The following MRC1 variants were observed in gnomAD, a reference collection of about 807,000 sequenced individuals.
The protein encoded by MRC1 is mannose receptor C-type 1.
Under a neutral mutation model 102.9 loss-of-function variants are expected in MRC1, and 62 were observed. That is an observed-to-expected ratio of 0.60 (90% CI 0.49 to 0.74). MRC1 has a LOEUF of 0.74. Ranked by LOEUF, MRC1 falls within the 30% of genes least tolerant of loss-of-function variation. The probability of loss-of-function intolerance (pLI) is 0.00; values close to 1 mark genes in which losing one functional copy is unlikely to be tolerated. For synonymous variants in MRC1, 457 were observed against 298.4 expected (o/e 1.53, Z -5.48); for missense variants, 1,237 against 862.8 (o/e 1.43, Z -5.43).
intron 22 of MRC1, among the ~76,000 whole-genome samples, chr10:17,887,112 A>T (rs1833608376): frequency 6.6e-6 from 1 of 152,174 alleles, no homozygotes; most frequent in Non-Finnish European, 1.5e-5. Context: ...TGAAGTAGCC[A>T]TTCTTTTCTT....
intron 1 of MRC1, among the ~76,000 whole-genome samples, chr10:17,816,953 T>A (rs2130578529): frequency 6.6e-6 from 1 of 151,978 alleles, no homozygotes; most frequent in African/African-American, 2.4e-5. Flanking sequence ...TAAAAATGCT[T>A]AAAAAAAATC....
intron 3 of MRC1, among the ~76,000 whole-genome samples, chr10:17,829,462 A>G (rs895674583): frequency 2.0e-5 from 3 of 151,502 alleles, no homozygotes; most frequent in Non-Finnish European, 2.9e-5. Flanking sequence ...CTTTCTGTTC[A>G]TAGCGACACT....
chr10:17,830,884 CTATA>C (rs1252658364), intron 3 of MRC1, among the ~76,000 whole-genome samples: 10 of 147,786 alleles, frequency 6.8e-5, no homozygotes, highest in Non-Finnish European at 1.0e-4. Flanking sequence ...ACATTTTCTA[CTATA>C]TATATATATA....
Position 17,879,718 on chromosome 10 carries a change from CAGTTGGATGGATGGA to C in MRC1, c.2619_2633del (p.Trp874_Ser878del). Reference sequence around the variant, plus strand: ...TTCAAAATGCCTGAATTTTCTTTTCCAGTTGGATGGATGGAAGCAAAGTGGATTACGTGTCTTGGG... The same window carrying C: ...TTCAAAATGCCTGAATTTTCTTTTCCAGCAAAGTGGATTACGTGTCTTGGG... On this transcript the variant is annotated splice_acceptor_variant and coding_sequence_variant, in exon 19 of 30. Transcript: ENST00000569591. LOFTEE classifies it high-confidence loss of function. 1 of 780,784 alleles carries C rather than the reference CAGTTGGATGGATGGA, an allele frequency of 1.3e-6. No homozygotes were observed. The allele number at this position is 780,784 out of a possible 1,614,324, so 48.4% of individuals were successfully genotyped here.
In MRC1 at chr10:17,823,310, TG is replaced by T; in HGVS notation, c.301del (p.Glu101SerfsTer60). ...ACDSKSEFQK[W>X]ECKNDTLLGI... The stretch of plus-strand genomic sequence containing the variant: ...TGACTCAAAAAGTGAATTTCAGAAA[TG>T]GGAGTGCAAAAATGACACACTTTTG... On this transcript the variant is annotated frameshift_variant, in exon 2 of 30. Coordinates refer to ENST00000569591, the MANE Select transcript of MRC1 (RefSeq NM_002438.4). LOFTEE classifies it high-confidence loss of function. 1 of 780,852 alleles carries T rather than the reference TG, an allele frequency of 1.3e-6. No homozygotes were observed. The highest frequency in any genetic ancestry group is 2.4e-6 in the Non-Finnish European group (1 of 417,956). 48.4% of individuals were successfully genotyped at this position (780,852 alleles called of 1,614,324 possible).
At chr10:17,839,524 G>T (rs1838718908) in intron 4 of MRC1, among the ~76,000 whole-genome samples, 2 of 151,750 alleles carry the variant, frequency 1.3e-5, no homozygotes, top group African/African-American at 2.4e-5. Context: ...TTTTTTGAAG[G>T]TTGTTGAGTA....
intron 17 of MRC1, among the ~76,000 whole-genome samples, chr10:17,876,036 A>C (rs1015664548): frequency 6.6e-6 from 1 of 152,116 alleles, no homozygotes; most frequent in African/African-American, 2.4e-5. Flanking sequence ...GCATTTTTTC[A>C]TAGAACATCA....
At chr10:17,823,505 T>G (rs1838428684) in intron 2 of MRC1, 30 bp downstream of exon 2, 1 of 780,300 alleles carries the variant, frequency 1.3e-6, no homozygotes, top group African/African-American at 1.7e-5. Flanking sequence ...CACCTTCGTG[T>G]TGAAATTTTC....
rs1182864449 is a variant in MRC1 at position 17,907,576 on chromosome 10, A to C, written c.3956A>C (p.Asn1319Thr). ...WINNSPVSFV[N>T]WNTGDPSGER... is the part of the protein sequence containing the mutation. ...AATAACAGTCCGGTCTCCTTTGTCA[A>C]CTGGAACACAGGAGATCCCTCTGGT... is the stretch of plus-strand genomic sequence containing the variant. Residue 1319 changes from asparagine (N) to threonine (T), a missense_variant, in exon 28 of 30, where the codon AAC becomes ACC. Transcript: ENST00000569591. 1.3e-6 allele frequency: 1 copy of C among 780,900 alleles called. No individual in the cohort carries two copies. The highest frequency in any genetic ancestry group is 1.7e-5 in the Admixed American group (1 of 59,036). 48.4% of individuals were successfully genotyped at this position (780,900 alleles called of 1,614,324 possible).
rs922036727 is a variant in MRC1 at position 17,870,790 on chromosome 10, G to C, written c.2112-58G>C. The C allele has an allele frequency of 6.8e-5, 59 of 864,054 alleles. No individual in the cohort carries two copies. In the African/African-American group the frequency reaches 9.0e-4, roughly 13 times the overall value. 53.5% of individuals were successfully genotyped at this position (864,054 alleles called of 1,614,324 possible). A position where few individuals can be genotyped will look rare whatever the true frequency, so the allele number is the denominator to read the frequency against. ...TTTCAAATGTGGTTAGTCCTCATAAGTTACTGAACTTGCTTCATGCAATAG... is the reference window on the plus strand; with the variant it reads ...TTTCAAATGTGGTTAGTCCTCATAACTTACTGAACTTGCTTCATGCAATAG... On this transcript the variant is annotated intron_variant, in intron 13 of 29. Transcript: ENST00000569591.
At chr10:17,824,007 A>T (rs1408805614) in intron 2 of MRC1, among the ~76,000 whole-genome samples, 1 of 152,202 alleles carries the variant, frequency 6.6e-6, no homozygotes, top group African/African-American at 2.4e-5. Flanking sequence ...GACTGTAATA[A>T]TCAGAAGATT....
intron 16 of MRC1, among the ~76,000 whole-genome samples, chr10:17,874,875 A>C (rs1194562382): frequency 3.3e-5 from 5 of 152,160 alleles, no homozygotes; most frequent in Non-Finnish European, 7.4e-5. Context: ...GGGAATACAA[A>C]ATGGGTCCTT....
intron 1 of MRC1, among the ~76,000 whole-genome samples, chr10:17,813,862 T>C (rs1554837640): frequency 6.6e-6 from 1 of 151,870 alleles, no homozygotes; most frequent in Non-Finnish European, 1.5e-5. Flanking sequence ...CATGCCTGGC[T>C]AACTTTTGTG....
intron 7 of MRC1, among the ~76,000 whole-genome samples, chr10:17,852,278 A>G (rs1006665636): frequency 2.6e-5 from 4 of 152,140 alleles, no homozygotes; most frequent in African/African-American, 9.7e-5. Context: ...CTCATTTGTT[A>G]TTTAAGTTTT....
intron 22 of MRC1, among the ~76,000 whole-genome samples, chr10:17,889,356 T>C (rs1249149878): frequency 6.6e-6 from 1 of 152,210 alleles, no homozygotes; most frequent in Non-Finnish European, 1.5e-5. Flanking sequence ...TTTACTTCAA[T>C]ATTTTGTATG....
chr10:17,834,469 A>G (rs1415391685), intron 4 of MRC1, among the ~76,000 whole-genome samples: 1 of 152,044 alleles, frequency 6.6e-6, no homozygotes, highest in African/African-American at 2.4e-5. Flanking sequence ...CTGGAGTGCA[A>G]TGACGCAATC....
intron 3 of MRC1, among the ~76,000 whole-genome samples, chr10:17,828,898 T>C (rs1360253592): frequency 6.6e-6 from 1 of 151,480 alleles, no homozygotes; most frequent in Non-Finnish European, 1.5e-5. Context: ...GGGCGTCATG[T>C]TGAAGGCAGA....
At chr10:17,828,861 G>A (rs973809846) in intron 3 of MRC1, among the ~76,000 whole-genome samples, 9 of 151,580 alleles carry the variant, frequency 5.9e-5, no homozygotes, top group Non-Finnish European at 7.3e-5. Flanking sequence ...GGCAAATAGT[G>A]AAGCACATTT....
intron 6 of MRC1, among the ~76,000 whole-genome samples, chr10:17,848,505 A>T (rs1056491809): frequency 0.056 from 8,585 of 152,216 alleles, 389 homozygotes; most frequent in African/African-American, 0.12. Flanking sequence ...AATCAAGATT[A>T]TACAATTTGA....
Sources: gnomAD v4.1 joint callset for allele counts (sites outside exome capture counted in the v4.1 genomes callset) on GRCh38, gnomAD v4.1.1 for gene constraint, MANE v1.5 for transcripts, NCBI Gene and HGNC (gene_info 2026-07-23, HGNC 2026-07-21) for gene names.